Variants in CEP85L observed in about 807,000 individuals in gnomAD.
CEP85L encodes centrosomal protein 85L.
Under a neutral mutation model 100.3 loss-of-function variants are expected in CEP85L, and 60 were observed. The observed-to-expected ratio is 0.60, with a 90% CI of 0.49 to 0.74. The LOEUF is 0.74. Among genes scored for constraint, CEP85L ranks in the 30% least tolerant of loss-of-function variants. The pLI, the probability that CEP85L is intolerant of heterozygous loss-of-function variation, is 0.00. For synonymous variants in CEP85L, 319 were observed against 322.7 expected (o/e 0.99, Z 0.12); for missense variants, 973 against 936.2 (o/e 1.04, Z -0.51).
intron 1 of CEP85L, among the ~76,000 whole-genome samples, chr6:118,649,379 G>A (rs180733925): frequency 1.3e-5 from 2 of 152,110 alleles, no homozygotes; most frequent in Admixed American, 6.5e-5. Flanking sequence ...ATTATTCTAT[G>A]CCATAGCAAA....
At chr6:118,591,058 T>A (rs998591034) in intron 2 of CEP85L, among the ~76,000 whole-genome samples, 1 of 152,026 alleles carries the variant, frequency 6.6e-6, no homozygotes, top group African/African-American at 2.4e-5. Flanking sequence ...GCAATCACAC[T>A]CTCTCTACCA....
chr6:118,560,402 C>T lies in CEP85L; in HGVS notation c.1020+5127G>A, dbSNP rs904745767. On this transcript the variant is annotated intron_variant, in intron 3 of 12. Transcript: ENST00000368491. The stretch of plus-strand genomic sequence containing the variant: ...AGAAAGAGAAAATATATTTACTATT[C>T]ATTAAATGGAAGTGGGTCAACATAA... 5 of 166,786 alleles carry T rather than the reference C, an allele frequency of 3.0e-5. No homozygotes were observed. The highest frequency in any genetic ancestry group is 5.9e-5 in the Non-Finnish European group (4 of 68,068). The allele number at this position is 166,786 out of a possible 1,614,324, so 10.3% of individuals were successfully genotyped here.
intron 3 of CEP85L, among the ~76,000 whole-genome samples, chr6:118,543,164 C>T (rs933894243): frequency 3.4e-5 from 4 of 117,480 alleles, no homozygotes; most frequent in African/African-American, 6.7e-5. Flanking sequence ...ATTAATTAAA[C>T]TCAATTTGTT....
At chr6:118,593,280 A>C (rs973372163) in intron 2 of CEP85L, among the ~76,000 whole-genome samples, 7 of 152,220 alleles carry the variant, frequency 4.6e-5, no homozygotes, top group Non-Finnish European at 4.4e-5. Flanking sequence ...GAATATACTA[A>C]AAGTCATTGA....
At chr6:118,587,358 T>C (rs1466464723) in intron 2 of CEP85L, among the ~76,000 whole-genome samples, 1 of 152,148 alleles carries the variant, frequency 6.6e-6, no homozygotes, top group Non-Finnish European at 1.5e-5. Context: ...GATGGAGTAA[T>C]AGCAAATGCC....
At chr6:118,654,739 C>G (rs529971152), upstream of CEP85L, among the ~76,000 whole-genome samples, 1 of 152,296 alleles carries the variant, frequency 6.6e-6, no homozygotes, top group African/African-American at 2.4e-5. Flanking sequence ...TGCCTCAATT[C>G]CCTTACCTGT....
At chr6:118,658,359 C>T (rs937523736) in intron 1 of CEP85L, among the ~76,000 whole-genome samples, 2 of 152,160 alleles carry the variant, frequency 1.3e-5, no homozygotes, top group South Asian at 2.1e-4. Context: ...TGTGAAGGAT[C>T]GGTTACTTCA....
At chr6:118,649,736 G>GAAA (rs11372769) in intron 1 of CEP85L, among the ~76,000 whole-genome samples, 175 of 150,644 alleles carry the variant, frequency 1.2e-3, no homozygotes, top group African/African-American at 4.1e-3. Flanking sequence ...ATACAATTTA[G>GAAA]AAAAAAAAAA....
chr6:118,565,033 TA>T (rs34251045), intron 3 of CEP85L: 104,660 of 153,960 alleles, frequency 0.68, 36,309 homozygotes, highest in Middle Eastern at 0.74. Context: ...TAAACCTAAA[TA>T]ACATCATGTA....
At chr6:118,637,401 T>C (rs530338119) in intron 1 of CEP85L, among the ~76,000 whole-genome samples, 1 of 152,042 alleles carries the variant, frequency 6.6e-6, no homozygotes, top group African/African-American at 2.4e-5. Context: ...ACATAAATCA[T>C]CAAATTGTTG....
At chr6:118,503,746 AAAG>A (rs1775457212) in intron 5 of CEP85L, among the ~76,000 whole-genome samples, 1 of 151,848 alleles carries the variant, frequency 6.6e-6, no homozygotes, top group Non-Finnish European at 1.5e-5. Context: ...AAGAAAAAAA[AAAG>A]AAACTAGACA....
chr6:118,599,436 A>C lies in CEP85L; in HGVS notation c.232+33017T>G, dbSNP rs184214779. Among the ~76,000 whole-genome samples the C allele has an allele frequency of 1.4e-3, 217 of 152,304 alleles. 1 individual carries two copies. Among genetic ancestry groups the C allele is most frequent in the Non-Finnish European group, 2.7e-3 (184 of 68,024 alleles). ...AATTCACATAGTCTATACTGGCATA[A>C]ATAAATGATTGAATAAATAAATAAA... On this transcript the variant is annotated intron_variant, in intron 2 of 12. Coordinates refer to ENST00000368491, the MANE Select transcript of CEP85L (RefSeq NM_001042475.3).
At chr6:118,633,557 T>G (rs2115326856) in intron 1 of CEP85L, among the ~76,000 whole-genome samples, 1 of 152,322 alleles carries the variant, frequency 6.6e-6, no homozygotes, top group Middle Eastern at 3.4e-3. Context: ...TTTTTCAATG[T>G]TCTTTCAATG....
chr6:118,554,887 G>GA (rs1213901761), intron 3 of CEP85L, among the ~76,000 whole-genome samples: 1 of 152,194 alleles, frequency 6.6e-6, no homozygotes, highest in African/African-American at 2.4e-5. Context: ...ATGGAAAGGT[G>GA]ACATGTTTCA....
intron 3 of CEP85L, among the ~76,000 whole-genome samples, chr6:118,544,934 C>A (rs576970147): frequency 4.7e-4 from 72 of 152,204 alleles, no homozygotes; most frequent in Admixed American, 6.5e-4. Flanking sequence ...GTTTTTTGAA[C>A]CAGTCCTTCC....
At chr6:118,532,454 C>A (rs1420972922) in intron 3 of CEP85L, among the ~76,000 whole-genome samples, 3 of 152,030 alleles carry the variant, frequency 2.0e-5, no homozygotes, top group African/African-American at 7.2e-5. Flanking sequence ...ACACTAAACC[C>A]CAGTGACATG....
chr6:118,532,462 A>G (rs979214300), intron 3 of CEP85L, among the ~76,000 whole-genome samples: 3 of 152,176 alleles, frequency 2.0e-5, no homozygotes, highest in Non-Finnish European at 4.4e-5. Flanking sequence ...CCCCAGTGAC[A>G]TGCAATTTAA....
chr6:118,588,240 G>C (rs1387618744), intron 2 of CEP85L, among the ~76,000 whole-genome samples: 1 of 152,206 alleles, frequency 6.6e-6, no homozygotes, highest in Non-Finnish European at 1.5e-5. Flanking sequence ...CTTAGAAAAA[G>C]CATGGATGGG....
Position 118,667,312 on chromosome 6 carries a change from T to C in CEP85L, c.-27-14504A>G, listed in dbSNP as rs546486551. 1.1e-4 allele frequency among the ~76,000 whole-genome samples: 17 copies of C among 152,308 alleles called. No homozygotes were observed. In the South Asian group the frequency reaches 3.3e-3, roughly 30 times the overall value. Reference sequence around the variant, plus strand: ...TTAAGAATATAGAACTTGCTTTGATTTTTTTTACACTCTAAGTGCTGCTCT... The same window carrying C: ...TTAAGAATATAGAACTTGCTTTGATCTTTTTTACACTCTAAGTGCTGCTCT... On this transcript the variant is annotated intron_variant, in intron 1 of 13. Coordinates refer to the CEP85L transcript ENST00000368488.
Sources: gnomAD v4.1 joint callset for allele counts (sites outside exome capture counted in the v4.1 genomes callset) on GRCh38, gnomAD v4.1.1 for gene constraint, MANE v1.5 for transcripts, NCBI Gene and HGNC (gene_info 2026-07-23, HGNC 2026-07-21) for gene names.